The following FAF2 variants were observed in gnomAD, a reference collection of about 807,000 sequenced individuals.
FAF2 encodes the protein Fas associated factor family member 2, also known as FAS-associated factor 2.
A neutral mutation model predicts 62.3 loss-of-function variants in FAF2; 9 were observed. The ratio of observed to expected loss-of-function variants is 0.14; its 90% CI spans 0.09 to 0.25. The LOEUF (loss-of-function observed/expected upper bound fraction) is 0.25, where lower values mean the gene tolerates loss of function less well. Among genes scored for constraint, FAF2 ranks in the 10% least tolerant of loss-of-function variants. The probability of loss-of-function intolerance (pLI) is 1.00; values close to 1 mark genes in which losing one functional copy is unlikely to be tolerated. For missense variants in FAF2, 368 were observed against 556.2 expected, an observed-to-expected ratio of 0.66 and a Z score of 3.40; for synonymous variants, 202 against 198.0, an observed-to-expected ratio of 1.02 and a Z score of -0.17.
intron 8 of FAF2, 60 bp downstream of exon 8, chr5:176,496,723 C>T (rs1180194104): frequency 7.6e-7 from 1 of 1,314,320 alleles, no homozygotes; most frequent in East Asian, 2.6e-5. Flanking sequence ...GAGGGCTGAC[C>T]TCTGGGGCTC....
At chr5:176,470,917 G>T (rs1311787753) in intron 1 of FAF2, among the ~76,000 whole-genome samples, 1 of 152,100 alleles carries the variant, frequency 6.6e-6, no homozygotes, top group East Asian at 1.9e-4. Context: ...CTCAAATTTA[G>T]CAATGAGGGA....
chr5:176,489,523 CTTTTCTTTCT>C (rs1453285838), intron 4 of FAF2, among the ~76,000 whole-genome samples: 6 of 151,996 alleles, frequency 3.9e-5, no homozygotes, highest in Admixed American at 1.3e-4. Context: ...CCTGTTACAC[CTTTTCTTTCT>C]TTTTCTTTCT....
chr5:176,462,664 C>A (rs1758398598), intron 1 of FAF2, among the ~76,000 whole-genome samples: 1 of 152,072 alleles, frequency 6.6e-6, no homozygotes, highest in South Asian at 2.1e-4. Context: ...ATAGTTGAAT[C>A]TAAATCCTAG....
At chr5:176,486,243 G>T in intron 2 of FAF2, 112 bp from the exon 3 acceptor site, 3 of 1,328,870 alleles carry the variant, frequency 2.3e-6, no homozygotes, top group Non-Finnish European at 3.1e-6. Flanking sequence ...GTGACCTTTT[G>T]GTGTATTCAT....
Position 176,494,027 on chromosome 5 carries a change from G to T in FAF2, c.512G>T (p.Arg171Leu). The change falls in exon 6 of 11, where the codon CGC becomes CTC. Residue 171 changes from arginine to leucine, a missense_variant. Physicochemically the swap from Arg to Leu is moderately radical, Grantham distance 102 (BLOSUM62 -2). Transcript: ENST00000261942. This position sits in a 1 kb window ranked among gnomAD's most constrained non-coding sequence, Gnocchi z 4.0. ...CTTAACGATGCCAAAAGGGAGCTTCGCTTTCTTTTGGTTTATCTTCATGGA... is the reference window on the plus strand; with the variant it reads ...CTTAACGATGCCAAAAGGGAGCTTCTCTTTCTTTTGGTTTATCTTCATGGA... The part of the protein sequence containing the change: ...QALNDAKREL[R>L]FLLVYLHGDD... The T allele has an allele frequency of 6.2e-7, 1 of 1,613,886 alleles. No individual in the cohort carries two copies. Among genetic ancestry groups the T allele is most frequent in the Non-Finnish European group, 8.5e-7 (1 of 1,179,906 alleles).
Position 176,496,534 on chromosome 5 carries a change from T to C in FAF2, c.710T>C (p.Met237Thr), listed in dbSNP as rs1466537086. The part of the protein sequence containing the change: ...ENTYPFLAMI[M>T]LKDRRMTVVG... Reference sequence around the variant, plus strand: ...ACCTATCCATTCCTGGCCATGATTATGCTGAAGGATCGAAGGATGACTGTG... The same window carrying C: ...ACCTATCCATTCCTGGCCATGATTACGCTGAAGGATCGAAGGATGACTGTG... Residue 237 changes from methionine (M) to threonine (T), a missense_variant, in exon 8 of 11, where the codon ATG (methionine) becomes ACG (threonine). Transcript: ENST00000261942. 6.2e-7 allele frequency: 1 copy of C among 1,612,480 alleles called. No homozygotes were observed. The highest frequency in any genetic ancestry group is 8.5e-7 in the Non-Finnish European group (1 of 1,179,232).
At chr5:176,460,511 C>CGTGT (rs1491406940) in intron 1 of FAF2, among the ~76,000 whole-genome samples, 26 of 99,438 alleles carry the variant, frequency 2.6e-4, no homozygotes, top group Middle Eastern at 5.3e-3. Flanking sequence ...TATTTTTGGC[C>CGTGT]GCGTGTGTGT....
chr5:176,461,790 G>T (rs1273446983), intron 1 of FAF2, among the ~76,000 whole-genome samples: 1 of 152,010 alleles, frequency 6.6e-6, no homozygotes, highest in Non-Finnish European at 1.5e-5. Flanking sequence ...CTGTGTAGAA[G>T]CTCTTCAGTT....
chr5:176,453,217 G>A (rs188098584), intron 1 of FAF2: 4 of 152,324 alleles, frequency 2.6e-5, no homozygotes, highest in East Asian at 3.8e-4. Flanking sequence ...GTTTTAAGGA[G>A]AGCTAATGCA....
intron 1 of FAF2, among the ~76,000 whole-genome samples, chr5:176,460,928 C>G (rs1333086542): frequency 1.3e-5 from 2 of 152,014 alleles, no homozygotes; most frequent in African/African-American, 2.4e-5. Flanking sequence ...TGCACTCCAA[C>G]CTGGGTGACA....
chr5:176,485,726 T>C (rs1283662985), intron 2 of FAF2, among the ~76,000 whole-genome samples: 1 of 152,190 alleles, frequency 6.6e-6, no homozygotes, highest in Non-Finnish European at 1.5e-5. Flanking sequence ...TATGTTTTTT[T>C]CTTCTTTATT....
chr5:176,500,270 A>AGC, intron 10 of FAF2, 124 bp downstream of exon 10: 1 of 941,800 alleles, frequency 1.1e-6, no homozygotes, highest in Non-Finnish European at 1.6e-6. Context: ...ACAGAGAGAG[A>AGC]GAGAGAGAGA....
chr5:176,472,059 C>T (rs550819135), intron 1 of FAF2, among the ~76,000 whole-genome samples: 19 of 152,170 alleles, frequency 1.2e-4, no homozygotes, highest in Non-Finnish European at 2.5e-4. Context: ...TAGGCACTAC[C>T]TTCAGAGAAT....
intron 1 of FAF2, among the ~76,000 whole-genome samples, chr5:176,458,971 G>A (rs1035636159): frequency 2.0e-5 from 3 of 152,046 alleles, no homozygotes; most frequent in African/African-American, 7.2e-5. Context: ...AAGGACTTAA[G>A]GATTTGTTTA....
At chr5:176,466,561 A>G (rs1021301760) in intron 1 of FAF2, among the ~76,000 whole-genome samples, 8 of 152,222 alleles carry the variant, frequency 5.3e-5, no homozygotes, top group Admixed American at 2.0e-4. Flanking sequence ...CTATCCAAAT[A>G]GCTGTTTGAG....
intron 4 of FAF2, among the ~76,000 whole-genome samples, chr5:176,491,667 A>G (rs1427320641): frequency 6.6e-6 from 1 of 152,206 alleles, no homozygotes; most frequent in Non-Finnish European, 1.5e-5. Flanking sequence ...GTGATGATAG[A>G]AACGTTCTGT....
In FAF2 at chr5:176,506,966, G is replaced by A. The variant is rs762636856; in HGVS notation, c.*16G>A. 1 of 1,491,786 alleles carries A rather than the reference G, an allele frequency of 6.7e-7. No homozygotes were observed. The highest frequency in any genetic ancestry group is 9.0e-7 in the Non-Finnish European group (1 of 1,109,006). The allele number at this position is 1,491,786 out of a possible 1,614,324, so 92.4% of individuals were successfully genotyped here. A position where few individuals can be genotyped will look rare whatever the true frequency, so the allele number is the denominator to read the frequency against. On this transcript the variant is annotated 3_prime_UTR_variant, in exon 11 of 11. Transcript: ENST00000261942. ...TGACGAATGACATTTTTTTCTTCCT[G>A]TCCCCTCCTACCCCAGTCCCTAAAA...
At chr5:176,458,241 C>G (rs1758311137) in intron 1 of FAF2, among the ~76,000 whole-genome samples, 1 of 152,006 alleles carries the variant, frequency 6.6e-6, no homozygotes, top group African/African-American at 2.4e-5. Context: ...GCCACCACGC[C>G]CAGCTAATTT....
intron 10 of FAF2, among the ~76,000 whole-genome samples, chr5:176,504,058 G>A (rs2113749221): frequency 6.6e-6 from 1 of 152,036 alleles, no homozygotes; most frequent in South Asian, 2.1e-4. Context: ...AGTAAGCCGA[G>A]ATCGTGCCAC....
Sources: gnomAD v4.1 joint callset for allele counts (sites outside exome capture counted in the v4.1 genomes callset) on GRCh38, gnomAD v4.1.1 for gene constraint, Gnocchi (gnomAD v3.1) non-coding constraint, MANE v1.5 for transcripts, NCBI Gene and HGNC (gene_info 2026-07-23, HGNC 2026-07-21) for gene names.